Variants in NKTR observed in about 807,000 individuals in gnomAD.
NKTR encodes NK-tumor recognition protein.
Under a neutral mutation model 156.3 loss-of-function variants are expected in NKTR, and 67 were observed. The ratio of observed to expected loss-of-function variants is 0.43; its 90% CI spans 0.35 to 0.53. The LOEUF (loss-of-function observed/expected upper bound fraction) is 0.53. Among genes scored for constraint, NKTR ranks in the 20% least tolerant of loss-of-function variants. The pLI is 0.01. For missense variants in NKTR, 1,604 were observed against 1,730.9 expected (o/e 0.93, Z 1.30); for synonymous variants, 640 against 596.6 (o/e 1.07, Z -1.06).
At chr3:42,621,204 G>C (rs906959907) in intron 5 of NKTR, 1 of 1,156,786 alleles carries the variant, frequency 8.6e-7, no homozygotes, top group Admixed American at 4.8e-5. Context: ...TTTGTGTGAA[G>C]TATTAAATAT....
At chr3:42,634,274 TA>T (rs1426634459) in intron 10 of NKTR, among the ~76,000 whole-genome samples, 1 of 152,244 alleles carries the variant, frequency 6.6e-6, no homozygotes, top group East Asian at 1.9e-4. Context: ...AAATAGTATT[TA>T]ATGTATTTTG....
chr3:42,616,412 T>C lies in NKTR; in HGVS notation c.59-1158T>C, dbSNP rs530933600. Among the ~76,000 whole-genome samples the C allele has an allele frequency of 2.6e-5, 4 of 152,344 alleles. No homozygotes were observed. The East Asian group carries it at 7.7e-4, about 29-fold the overall frequency. On this transcript the variant is annotated intron_variant, in intron 2 of 16. Transcript: ENST00000232978. Reference sequence around the variant, plus strand: ...GTAATAGATTATGATTTGCCTTTTGTGCTCTCATTCTCTTGTGAATATACA... The same window carrying C: ...GTAATAGATTATGATTTGCCTTTTGCGCTCTCATTCTCTTGTGAATATACA...
Position 42,639,461 on chromosome 3 carries a change from A to G in NKTR, c.3757A>G (p.Thr1253Ala). The part of the protein sequence containing the change: ...SSAVEVKVLT[T>A]VPEMKPQGLR... ...TGCTGTGGAAGTTAAGGTGTTGACC[A>G]CTGTGCCTGAAATGAAACCACAAGG... The change falls in exon 13 of 17, where the codon ACT becomes GCT. Residue 1253 changes from threonine to alanine, a missense_variant. Thr to Ala is a moderately conservative substitution (Grantham distance 58). This residue lies in a region of NKTR where 1,255 missense variants were observed against 1,243.7 expected (regional missense o/e 1.01). Transcript: ENST00000232978. The G allele has an allele frequency of 6.2e-7, 1 of 1,614,262 alleles. No individual in the cohort carries two copies. The highest frequency in any genetic ancestry group is 1.1e-5 in the South Asian group (1 of 91,086).
intron 2 of NKTR, among the ~76,000 whole-genome samples, chr3:42,610,068 C>T (rs1329098621): frequency 1.3e-5 from 2 of 151,958 alleles, no homozygotes; most frequent in Non-Finnish European, 2.9e-5. Flanking sequence ...CAAAATGGTG[C>T]AATCTCGGCT....
At position 42,637,720 on chromosome 3, in the gene NKTR, A is replaced by G; in HGVS notation, c.2016A>G (p.Glu672=). 1 of 1,614,078 alleles carries G rather than the reference A, an allele frequency of 6.2e-7. No individual in the cohort carries two copies. The change falls in exon 13 of 17, where the codon GAA becomes GAG. Residue 672 remains glutamate (E), a synonymous_variant. Transcript: ENST00000232978. ...SSYHKREKNS[E]SDQSTYSKYS... is the part of the protein sequence containing the mutation. ...ACCATAAAAGAGAAAAAAATTCGGA[A>G]AGTGATCAGAGCACTTATTCAAAAT...
At chr3:42,633,432 G>GT (rs1439359166) in intron 9 of NKTR, 148 bp from the exon 10 acceptor site, 3 of 1,413,138 alleles carry the variant, frequency 2.1e-6, no homozygotes, top group South Asian at 3.2e-5. Flanking sequence ...GGTTGATATT[G>GT]TTCTCTTTGT....
chr3:42,601,299 C>T (rs1218806984), intron 2 of NKTR: 1 of 380,308 alleles, frequency 2.6e-6, no homozygotes. Context: ...CATCTCCGGA[C>T]TGAGTCCTCG....
chr3:42,633,202 G>A, intron 9 of NKTR: 1 of 442,788 alleles, frequency 2.3e-6, no homozygotes, highest in Non-Finnish European at 3.2e-6. Context: ...ACTATGCTTG[G>A]CTAATTTTTA....
rs565161013 is a variant in NKTR at position 42,601,121 on chromosome 3, G to T, written c.58+57G>T. The T allele has an allele frequency of 4.6e-4, 661 of 1,447,104 alleles. 6 individuals carry two copies. In the East Asian group the frequency reaches 0.017, roughly 38 times the overall value. 89.6% of individuals were successfully genotyped at this position (1,447,104 alleles called of 1,614,324 possible). A position where few individuals can be genotyped will look rare whatever the true frequency, so the allele number is the denominator to read the frequency against. Reference sequence around the variant, plus strand: ...CCGAGGCCTGCCTTGGCGAAGGGGAGGGGTCTACCCTCAGCAACCCTCCCC... The same window carrying T: ...CCGAGGCCTGCCTTGGCGAAGGGGATGGGTCTACCCTCAGCAACCCTCCCC... On this transcript the variant is annotated intron_variant, in intron 2 of 16. Transcript: ENST00000232978.
At chr3:42,643,723 G>C (rs549956854) in intron 15 of NKTR, 179 bp from the exon 16 acceptor site, 1 of 686,430 alleles carries the variant, frequency 1.5e-6, no homozygotes, top group South Asian at 1.6e-5. Context: ...TTTAATTATG[G>C]TAAGTCTCAT....
intron 2 of NKTR, chr3:42,601,506 C>T (rs1705465099): frequency 6.5e-6 from 1 of 152,764 alleles, no homozygotes; most frequent in Non-Finnish European, 1.5e-5. Flanking sequence ...TCTATTTTTC[C>T]TTAAGAATCT....
intron 16 of NKTR, 28 bp from the exon 17 acceptor site, chr3:42,645,860 T>G: frequency 6.7e-7 from 1 of 1,498,960 alleles, no homozygotes; most frequent in African/African-American, 1.4e-5. Flanking sequence ...GTTACAAGAT[T>G]TTTATATATT....
Position 42,617,511 on chromosome 3 carries a change from C to T in NKTR, c.59-59C>T. 2 of 836,926 alleles carry T rather than the reference C, an allele frequency of 2.4e-6. 1 individual carries two copies. Among genetic ancestry groups the T allele is most frequent in the Middle Eastern group, 6.0e-4 (2 of 3,356 alleles). 51.8% of individuals were successfully genotyped at this position (836,926 alleles called of 1,614,324 possible). On this transcript the variant is annotated intron_variant, in intron 2 of 16. Transcript: ENST00000232978. ...ATTTGTTAGCCCTGTTTCTTTCTCCCATTTAAATGTGATATATTTAACTTG... is the reference window on the plus strand; with the variant it reads ...ATTTGTTAGCCCTGTTTCTTTCTCCTATTTAAATGTGATATATTTAACTTG...
rs904513733 is a variant in NKTR at position 42,633,510 on chromosome 3, T to G, written c.774-70T>G. 17 of 1,550,920 alleles carry G rather than the reference T, an allele frequency of 1.1e-5. No homozygotes were observed. In the African/African-American group the frequency reaches 2.2e-4, roughly 20 times the overall value. ...TTAATTATGCTGTTGTTTTAGTAAC[T>G]AATTTTATGTGCTTTTATTATGAAA... On this transcript the variant is annotated intron_variant, in intron 9 of 16. Transcript: ENST00000232978.
chr3:42,622,382 A>G (rs538279346), intron 6 of NKTR, among the ~76,000 whole-genome samples: 2 of 152,148 alleles, frequency 1.3e-5, no homozygotes, highest in African/African-American at 2.4e-5. Context: ...CAGTTGTCCT[A>G]TGTATGTTGG....
chr3:42,631,055 C>T (rs1241681869), intron 7 of NKTR, 116 bp from the exon 8 acceptor site: 2 of 1,457,036 alleles, frequency 1.4e-6, no homozygotes, highest in Admixed American at 2.7e-5. Flanking sequence ...ATACAACAAA[C>T]AGTTTGGTTT....
At chr3:42,624,105 A>G (rs17074669) in intron 6 of NKTR, among the ~76,000 whole-genome samples, 4,952 of 152,226 alleles carry the variant, frequency 0.033, 130 homozygotes, top group East Asian at 0.11. Flanking sequence ...TTTTTATTCA[A>G]CATAATTTTG....
intron 6 of NKTR, chr3:42,627,512 C>G: frequency 1.0e-6 from 1 of 985,090 alleles, no homozygotes; most frequent in South Asian, 4.7e-5. Flanking sequence ...TGGAATTAGT[C>G]ATTTCTGTAT....
intron 2 of NKTR, chr3:42,601,272 C>G: frequency 2.4e-6 from 1 of 416,092 alleles, no homozygotes; most frequent in South Asian, 3.8e-5. Flanking sequence ...TCCTGCCAAA[C>G]CCCACACACC....
Sources: allele counts gnomAD v4.1 joint callset (sites outside exome capture counted in the v4.1 genomes callset), GRCh38; gene constraint gnomAD v4.1.1; regional missense constraint gnomAD v4.1.1; transcripts MANE v1.5; gene names NCBI Gene and HGNC (gene_info 2026-07-23, HGNC 2026-07-21).